Variants in SEZ6L observed in about 807,000 individuals in gnomAD.
SEZ6L encodes the protein seizure related 6 homolog like, also known as seizure 6-like protein.
In SEZ6L, 37 loss-of-function variants were observed where a neutral mutation model predicts 106.2. The observed-to-expected ratio is 0.35, with a 90% confidence interval of 0.27 to 0.46. SEZ6L has a LOEUF of 0.46. Ranked by LOEUF, SEZ6L falls within the 20% of genes least tolerant of loss-of-function variation. The pLI is 1.00. For synonymous variants in SEZ6L, 541 were observed against 570.4 expected (o/e 0.95, Z 0.73); for missense variants, 1,172 against 1,332.8 (o/e 0.88, Z 1.88).
chr22:26,249,345 T>G lies in SEZ6L; in HGVS notation c.95-43061T>G, dbSNP rs182835881. On this transcript the variant is annotated intron_variant, in intron 1 of 16. Coordinates refer to ENST00000248933, the MANE Select transcript of SEZ6L (RefSeq NM_021115.5). ...TCCCCTTATCCTTCCCAGACTCTAG[T>G]AACCACTATTTCACTCTCTACTTCT... 1.3e-4 allele frequency among the ~76,000 whole-genome samples: 20 copies of G among 152,332 alleles called. No homozygotes were observed. The East Asian group carries it at 3.7e-3, about 28-fold the overall frequency.
chr22:26,290,256 G>T (rs1376878503), intron 1 of SEZ6L, among the ~76,000 whole-genome samples: 1 of 152,206 alleles, frequency 6.6e-6, no homozygotes, highest in Admixed American at 6.5e-5. Context: ...ATTGGGCCGG[G>T]CGCGGTGGCT....
At chr22:26,209,942 G>A (rs912794538) in intron 1 of SEZ6L, among the ~76,000 whole-genome samples, 1 of 106,996 alleles carries the variant, frequency 9.3e-6, no homozygotes, top group East Asian at 2.2e-4. Context: ...ATGAATGGAT[G>A]GCAAGAAGGA....
chr22:26,377,309 T>G (rs1318341465), intron 15 of SEZ6L, among the ~76,000 whole-genome samples: 3 of 151,976 alleles, frequency 2.0e-5, no homozygotes, highest in Admixed American at 6.6e-5. Context: ...GGAAGGCTGA[T>G]CTAAGGCAAT....
chr22:26,260,450 C>T (rs1167186487), intron 1 of SEZ6L, among the ~76,000 whole-genome samples: 1 of 152,138 alleles, frequency 6.6e-6, no homozygotes, highest in East Asian at 1.9e-4. Flanking sequence ...ATCCACGTTG[C>T]TTCAAATGCC....
chr22:26,294,975 C>CTTGCTTGCTTGA (rs1343792028), intron 3 of SEZ6L, among the ~76,000 whole-genome samples: 1 of 150,292 alleles, frequency 6.7e-6, no homozygotes, highest in African/African-American at 2.5e-5. Flanking sequence ...TGCTTGCTTG[C>CTTGCTTGCTTGA]TTTCCTTCAT....
At position 26,247,751 on chromosome 22, in the gene SEZ6L, G is replaced by A. The variant is rs377756844; in HGVS notation, c.95-44655G>A. On this transcript the variant is annotated intron_variant, in intron 1 of 16. Transcript: ENST00000248933. ...GTGGTAATTTGTTGTGGCAGCTCTC[G>A]GAAACTAATATACCCTCTCTAGGCT... Among the ~76,000 whole-genome samples, 53 of 152,222 alleles carry A rather than the reference G, an allele frequency of 3.5e-4. No homozygotes were observed. In the South Asian group the frequency reaches 9.8e-3, roughly 28 times the overall value.
intron 1 of SEZ6L, among the ~76,000 whole-genome samples, chr22:26,251,206 C>T (rs2079566592): frequency 6.6e-6 from 1 of 152,110 alleles, no homozygotes; most frequent in Non-Finnish European, 1.5e-5. Context: ...GAGTAGGCAG[C>T]CTTGTCTTGT....
chr22:26,324,716 C>G (rs1183697169), intron 9 of SEZ6L, among the ~76,000 whole-genome samples: 1 of 152,080 alleles, frequency 6.6e-6, no homozygotes, highest in Non-Finnish European at 1.5e-5. Context: ...TTCCCTGGAG[C>G]CAAAAGTTCG....
At chr22:26,295,910 C>T (rs1490161845) in intron 3 of SEZ6L, among the ~76,000 whole-genome samples, 1 of 152,052 alleles carries the variant, frequency 6.6e-6, no homozygotes, top group Non-Finnish European at 1.5e-5. Flanking sequence ...GGGAAGGTCT[C>T]ATAGAGGAGG....
Position 26,380,047 on chromosome 22 carries a change from A to G in SEZ6L, c.3046-219A>G, listed in dbSNP as rs1334582872. On this transcript the variant is annotated intron_variant, in intron 16 of 16. Coordinates refer to ENST00000248933, the MANE Select transcript of SEZ6L (RefSeq NM_021115.5). ...CCCTGTTCTTGGTGATGACAGATAG[A>G]CAGGATGTGAGCAGAAACACACAAG... 3.9e-5 allele frequency among the ~76,000 whole-genome samples: 6 copies of G among 152,226 alleles called. No homozygotes were observed. In the East Asian group the frequency reaches 5.8e-4, roughly 15 times the overall value.
At chr22:26,291,003 C>T (rs2081090340) in intron 1 of SEZ6L, among the ~76,000 whole-genome samples, 1 of 152,234 alleles carries the variant, frequency 6.6e-6, no homozygotes. Context: ...TTAATTCAAC[C>T]ATTGTGGAAG....
chr22:26,369,338 G>GTTTTTTTTTTTTT (rs1421215614), intron 13 of SEZ6L, among the ~76,000 whole-genome samples: 1 of 83,616 alleles, frequency 1.2e-5, no homozygotes, highest in Non-Finnish European at 2.0e-5. Flanking sequence ...TATATAAGCA[G>GTTTTTTTTTTTTT]TTCTTTTGTT....
chr22:26,354,390 C>T (rs9620603), intron 12 of SEZ6L, among the ~76,000 whole-genome samples: 16,831 of 151,954 alleles, frequency 0.11, 1,123 homozygotes, highest in Middle Eastern at 0.27. Context: ...AAGGAAGGAC[C>T]CCCCCCAACC....
At chr22:26,367,681 C>T (rs2083868155) in intron 13 of SEZ6L, among the ~76,000 whole-genome samples, 1 of 152,066 alleles carries the variant, frequency 6.6e-6, no homozygotes, top group South Asian at 2.1e-4. Flanking sequence ...TTATTTCCCA[C>T]CTCTTGCACT....
intron 1 of SEZ6L, among the ~76,000 whole-genome samples, chr22:26,191,454 A>G (rs1213511976): frequency 1.3e-5 from 2 of 152,206 alleles, no homozygotes; most frequent in Non-Finnish European, 2.9e-5. Context: ...ATGGAGCTGG[A>G]AGGCATTATC....
At chr22:26,328,429 A>T (rs2082385716) in intron 9 of SEZ6L, among the ~76,000 whole-genome samples, 3 of 152,214 alleles carry the variant, frequency 2.0e-5, no homozygotes, top group Admixed American at 1.3e-4. Context: ...AGAGAGGCTA[A>T]TCTGCTTCAA....
chr22:26,360,901 AAAAAC>A (rs2083597272), intron 12 of SEZ6L, among the ~76,000 whole-genome samples: 2 of 152,070 alleles, frequency 1.3e-5, no homozygotes. Context: ...AACAAAAAAC[AAAAAC>A]AAAAACAAAA....
At chr22:26,191,149 C>G (rs764397903) in intron 1 of SEZ6L, among the ~76,000 whole-genome samples, 1 of 152,188 alleles carries the variant, frequency 6.6e-6, no homozygotes, top group Non-Finnish European at 1.5e-5. Flanking sequence ...AAGAGGCAAA[C>G]ATTTAAGCAA....
chr22:26,210,301 C>A (rs2078120753), intron 1 of SEZ6L, among the ~76,000 whole-genome samples: 1 of 152,310 alleles, frequency 6.6e-6, no homozygotes, highest in South Asian at 2.1e-4. Context: ...GTGAACTAAT[C>A]AAAAGCCTTA....
Sources: allele counts gnomAD v4.1 joint callset (sites outside exome capture counted in the v4.1 genomes callset), GRCh38; gene constraint gnomAD v4.1.1; transcripts MANE v1.5; gene names NCBI Gene and HGNC (gene_info 2026-07-23, HGNC 2026-07-21).